Variants in AIMP1 observed in about 807,000 individuals in gnomAD.
AIMP1 encodes aminoacyl tRNA synthase complex-interacting multifunctional protein 1.
AIMP1 carries 24 observed loss-of-function variants against 33.1 expected under a neutral mutation model. That is an observed-to-expected ratio of 0.73 (90% CI 0.53 to 1.02). The LOEUF is 1.02. Among genes scored for constraint, AIMP1 ranks in the 50% least tolerant of loss-of-function variants. The probability of loss-of-function intolerance (pLI) is 0.00; values close to 1 mark genes in which losing one functional copy is unlikely to be tolerated. For missense variants in AIMP1, 367 were observed against 364.8 expected (o/e 1.01, Z -0.05); for synonymous variants, 120 against 121.5 (o/e 0.99, Z 0.08).
At chr4:106,345,970 G>A (rs1484333169) in intron 6 of AIMP1, among the ~76,000 whole-genome samples, 1 of 150,032 alleles carries the variant, frequency 6.7e-6, no homozygotes, top group Non-Finnish European at 1.5e-5. Context: ...TCTCAACTTA[G>A]GAGTCAGTGA....
chr4:106,316,251 A>C, upstream of AIMP1: 2 of 308,230 alleles, frequency 6.5e-6, no homozygotes, highest in Non-Finnish European at 1.2e-5. Flanking sequence ...CCTCACAGCC[A>C]CCGCGACCCA....
At chr4:106,344,965 T>A (rs1770240492) in intron 6 of AIMP1, among the ~76,000 whole-genome samples, 1 of 151,202 alleles carries the variant, frequency 6.6e-6, no homozygotes, top group African/African-American at 2.4e-5. Flanking sequence ...TGTGCTTCAA[T>A]ATCCTCATCT....
At position 106,325,057 on chromosome 4, in the gene AIMP1, A is replaced by C. The variant is rs1769407737; in HGVS notation, c.48A>C (p.Ala16=). 2 of 1,613,190 alleles carry C rather than the reference A, an allele frequency of 1.2e-6. No individual in the cohort carries two copies. Among genetic ancestry groups the C allele is most frequent in the Non-Finnish European group, 1.7e-6 (2 of 1,179,476 alleles). ...AVLKRLEQKG[A]EADQIIEYLK... Reference sequence around the variant, plus strand: ...TGAAGAGACTGGAGCAGAAGGGTGCAGAGGCAGATCAAATCATTGAATATC... The same window carrying C: ...TGAAGAGACTGGAGCAGAAGGGTGCCGAGGCAGATCAAATCATTGAATATC... Residue 16 remains alanine (A), a synonymous_variant, in exon 2 of 7, where the codon GCA becomes GCC. Transcript: ENST00000672341.
At chr4:106,339,830 A>G (rs1770027306) in intron 6 of AIMP1, among the ~76,000 whole-genome samples, 1 of 152,212 alleles carries the variant, frequency 6.6e-6, no homozygotes, top group Admixed American at 6.5e-5. Context: ...ATATACTTGC[A>G]TATGTTTTTA....
At chr4:106,335,849 A>C (rs192145336) in intron 5 of AIMP1, among the ~76,000 whole-genome samples, 1 of 151,560 alleles carries the variant, frequency 6.6e-6, no homozygotes, top group Non-Finnish European at 1.5e-5. Flanking sequence ...TGTATGATTC[A>C]TTTTAAACTT....
chr4:106,334,001 C>G (rs1206002321), intron 5 of AIMP1, among the ~76,000 whole-genome samples: 3 of 152,054 alleles, frequency 2.0e-5, no homozygotes, highest in Non-Finnish European at 4.4e-5. Flanking sequence ...TTTAAATGTC[C>G]TCTTTCTAGA....
chr4:106,321,648 T>C (rs1769255181), intron 1 of AIMP1, among the ~76,000 whole-genome samples: 1 of 151,304 alleles, frequency 6.6e-6, no homozygotes, highest in Non-Finnish European at 1.5e-5. Context: ...CCGCCCCATC[T>C]GGGAAGTGAG....
intron 4 of AIMP1, among the ~76,000 whole-genome samples, chr4:106,328,768 C>A (rs890061106): frequency 5.9e-5 from 9 of 152,162 alleles, no homozygotes; most frequent in Non-Finnish European, 1.2e-4. Context: ...TTCTTCATAT[C>A]TAATTAACCA....
intron 5 of AIMP1, 122 bp from the exon 6 acceptor site, chr4:106,336,747 A>G (rs1015046596): frequency 4.8e-5 from 47 of 977,916 alleles, no homozygotes; most frequent in Non-Finnish European, 6.7e-5. Context: ...CACAAAGACA[A>G]AGGTACATCC....
At chr4:106,331,330 A>G (rs1237245143) in intron 4 of AIMP1, among the ~76,000 whole-genome samples, 1 of 152,210 alleles carries the variant, frequency 6.6e-6, no homozygotes, top group East Asian at 1.9e-4. Flanking sequence ...CTGGTGCAAA[A>G]GTATCCATAG....
intron 1 of AIMP1, among the ~76,000 whole-genome samples, chr4:106,317,103 C>T (rs1448688373): frequency 1.3e-5 from 2 of 152,086 alleles, no homozygotes. Flanking sequence ...TCGTGATAGT[C>T]CTGAAGAGAA....
At chr4:106,324,448 G>A (rs1046288996) in intron 1 of AIMP1, among the ~76,000 whole-genome samples, 3 of 151,578 alleles carry the variant, frequency 2.0e-5, no homozygotes, top group South Asian at 2.1e-4. Context: ...TAAAGACAAC[G>A]GTATATACTG....
intron 1 of AIMP1, among the ~76,000 whole-genome samples, chr4:106,320,936 C>T (rs1299510913): frequency 1.3e-5 from 2 of 152,116 alleles, no homozygotes; most frequent in African/African-American, 4.8e-5. Flanking sequence ...TTGGTGGAGA[C>T]GGGGTTTCAC....
At chr4:106,335,442 A>T (rs1462960687) in intron 5 of AIMP1, among the ~76,000 whole-genome samples, 1 of 146,890 alleles carries the variant, frequency 6.8e-6, no homozygotes, top group East Asian at 2.0e-4. Flanking sequence ...AATAAAAGTT[A>T]AAAAAAAAAA....
intron 3 of AIMP1, 43 bp from the exon 4 acceptor site, chr4:106,328,033 T>A: frequency 6.2e-7 from 1 of 1,603,304 alleles, no homozygotes; most frequent in Middle Eastern, 1.7e-4. Context: ...TTGTCATATT[T>A]ATTGGTTTAA....
At chr4:106,318,102 C>T (rs892291183) in intron 1 of AIMP1, among the ~76,000 whole-genome samples, 2 of 152,140 alleles carry the variant, frequency 1.3e-5, no homozygotes, top group Admixed American at 1.3e-4. Flanking sequence ...CCCCCTATGT[C>T]CTCATCAGTA....
chr4:106,330,402 T>C (rs1436877473), intron 4 of AIMP1, among the ~76,000 whole-genome samples: 1 of 152,216 alleles, frequency 6.6e-6, no homozygotes, highest in Non-Finnish European at 1.5e-5. Context: ...ATTTTTACCT[T>C]TTGAAAAATT....
intron 4 of AIMP1, among the ~76,000 whole-genome samples, chr4:106,329,772 C>CCTTTTTTTTTTTTTTTTTTTTTTTT (rs1554000880): frequency 3.8e-5 from 2 of 53,062 alleles, no homozygotes. Context: ...TGCTACATAT[C>CCTTTTTTTTTTTTTTTTTTTTTTTT]TTTTTTTTTT....
intron 4 of AIMP1, among the ~76,000 whole-genome samples, chr4:106,331,435 G>A (rs1007899832): frequency 6.6e-6 from 1 of 152,176 alleles, no homozygotes; most frequent in African/African-American, 2.4e-5. Context: ...GCCATAGTTT[G>A]CCAACCTCAC....
Sources: gnomAD v4.1 joint callset for allele counts (sites outside exome capture counted in the v4.1 genomes callset) on GRCh38, gnomAD v4.1.1 for gene constraint, MANE v1.5 for transcripts, NCBI Gene and HGNC (gene_info 2026-07-23, HGNC 2026-07-21) for gene names.